Variants in SLC8A1 observed in about 807,000 individuals in gnomAD.
SLC8A1 encodes the protein solute carrier family 8 member A1.
SLC8A1 carries 18 observed loss-of-function variants against 68.3 expected under a neutral mutation model. The observed-to-expected ratio is 0.26, with a 90% CI of 0.18 to 0.39. The LOEUF is 0.39. SLC8A1 is among the 10% of genes least tolerant of loss of function. The pLI, the probability that SLC8A1 is intolerant of heterozygous loss-of-function variation, is 1.00. For synonymous variants in SLC8A1, 475 were observed against 415.5 expected, an observed-to-expected ratio of 1.14 and a Z score of -1.74; for missense variants, 985 against 1,156.7, an observed-to-expected ratio of 0.85 and a Z score of 2.15.
At chr2:40,368,624 A>T (rs1039096911) in intron 2 of SLC8A1, among the ~76,000 whole-genome samples, 11 of 152,086 alleles carry the variant, frequency 7.2e-5, no homozygotes, top group Admixed American at 6.6e-4. Flanking sequence ...CAAGTGGTAC[A>T]AGTGTAGGTT....
intron 2 of SLC8A1, among the ~76,000 whole-genome samples, chr2:40,381,355 T>A (rs1273339775): frequency 6.6e-6 from 1 of 152,044 alleles, no homozygotes; most frequent in Non-Finnish European, 1.5e-5. Context: ...CTTATATACT[T>A]CTCTTAAAGT....
intron 2 of SLC8A1, among the ~76,000 whole-genome samples, chr2:40,280,022 T>A (rs2067283887): frequency 6.6e-6 from 1 of 152,190 alleles, no homozygotes; most frequent in African/African-American, 2.4e-5. Flanking sequence ...ACAGCATTTG[T>A]AAATTGCAAG....
At chr2:40,451,024 G>C (rs1344636703) in intron 1 of SLC8A1, among the ~76,000 whole-genome samples, 2 of 152,176 alleles carry the variant, frequency 1.3e-5, no homozygotes, top group African/African-American at 4.8e-5. Context: ...AAAGAATCAA[G>C]GATGCACACG....
intron 2 of SLC8A1, among the ~76,000 whole-genome samples, chr2:40,246,207 T>G (rs380590): frequency 0.81 from 123,091 of 152,166 alleles, 50,617 homozygotes; most frequent in Middle Eastern, 0.88. Flanking sequence ...TTGGATATGG[T>G]TGGTTACACA....
Position 40,278,286 on chromosome 2 carries a change from T to C in SLC8A1, c.1809-100431A>G, listed in dbSNP as rs142344775. Among the ~76,000 whole-genome samples, 1,071 of 152,022 alleles carry C rather than the reference T, an allele frequency of 7.0e-3. 15 individuals are homozygous for C. Among genetic ancestry groups the C allele is most frequent in the African/African-American group, 0.024 (1,006 of 41,470 alleles). ...GAGATAGAGACCATCCTGGCCAACA[T>C]GGTGGAACCCCATCTCTACTAAAAA... On this transcript the variant is annotated intron_variant, in intron 2 of 7. Coordinates refer to ENST00000406785, the Ensembl canonical transcript of SLC8A1.
intron 6 of SLC8A1, among the ~76,000 whole-genome samples, chr2:40,155,837 G>A (rs968079824): frequency 2.6e-5 from 4 of 152,128 alleles, no homozygotes; most frequent in African/African-American, 9.7e-5. Flanking sequence ...CTGGAACTGG[G>A]TCACTTTAAT....
At chr2:40,308,331 A>G (rs1291702785) in intron 2 of SLC8A1, among the ~76,000 whole-genome samples, 2 of 152,224 alleles carry the variant, frequency 1.3e-5, no homozygotes, top group African/African-American at 4.8e-5. Flanking sequence ...TTACTGGGTT[A>G]TCCTGGGCAA....
chr2:40,321,541 T>C (rs1208439256), intron 2 of SLC8A1, among the ~76,000 whole-genome samples: 1 of 152,094 alleles, frequency 6.6e-6, no homozygotes, highest in Non-Finnish European at 1.5e-5. Flanking sequence ...GAAAAGAGGT[T>C]TAATTGACTC....
chr2:40,365,972 T>G, intron 2 of SLC8A1, among the ~76,000 whole-genome samples: 1 of 148,694 alleles, frequency 6.7e-6, no homozygotes, highest in Non-Finnish European at 1.5e-5. Flanking sequence ...CTCTAACCTG[T>G]GTGACAAAAT....
exon 2 of SLC8A1, chr2:40,428,891 C>A (rs780624491): frequency 1.2e-6 from 2 of 1,613,692 alleles, no homozygotes; most frequent in African/African-American, 2.7e-5. Flanking sequence ...TTAAACACCA[C>A]AGTTCCTTCA....
At chr2:40,339,062 A>T (rs1666904071) in intron 2 of SLC8A1, among the ~76,000 whole-genome samples, 1 of 152,214 alleles carries the variant, frequency 6.6e-6, no homozygotes, top group South Asian at 2.1e-4. Context: ...AACTCAGATC[A>T]CATAAACCTA....
intron 2 of SLC8A1, among the ~76,000 whole-genome samples, chr2:40,362,773 G>A (rs1674978177): frequency 6.6e-6 from 1 of 152,040 alleles, no homozygotes; most frequent in South Asian, 2.1e-4. Flanking sequence ...CAAACATTTA[G>A]TACAAATTAA....
At chr2:40,225,826 G>A (rs2058905457) in intron 2 of SLC8A1, among the ~76,000 whole-genome samples, 1 of 152,154 alleles carries the variant, frequency 6.6e-6, no homozygotes, top group African/African-American at 2.4e-5. Flanking sequence ...TGGATAAACA[G>A]ATTCCTCTGG....
At chr2:40,345,719 T>A (rs1669035478) in intron 2 of SLC8A1, among the ~76,000 whole-genome samples, 1 of 152,052 alleles carries the variant, frequency 6.6e-6, no homozygotes, top group Admixed American at 6.6e-5. Context: ...CTGGAAACCA[T>A]CATTCTCAGC....
chr2:40,339,030 C>T (rs1479419402), intron 2 of SLC8A1, among the ~76,000 whole-genome samples: 5 of 152,154 alleles, frequency 3.3e-5, no homozygotes, highest in Non-Finnish European at 5.9e-5. Flanking sequence ...GCTATTGTGT[C>T]AATAAAAATA....
intron 2 of SLC8A1, among the ~76,000 whole-genome samples, chr2:40,338,497 G>T (rs1294617126): frequency 6.6e-6 from 1 of 152,106 alleles, no homozygotes; most frequent in Non-Finnish European, 1.5e-5. Flanking sequence ...TGCAGCACAA[G>T]TCAACCCTCC....
intron 2 of SLC8A1, among the ~76,000 whole-genome samples, chr2:40,183,849 G>A (rs772834779): frequency 2.6e-5 from 4 of 152,104 alleles, no homozygotes; most frequent in Non-Finnish European, 5.9e-5. Flanking sequence ...TGGGAGCCCA[G>A]CATGAATATA....
chr2:40,150,183 G>A lies in SLC8A1; in HGVS notation c.2162-10507C>T, dbSNP rs1310518330. Among the ~76,000 whole-genome samples the A allele has an allele frequency of 1.3e-5, 2 of 152,092 alleles. 1 individual carries two copies. The highest frequency in any genetic ancestry group is 2.9e-5 in the Non-Finnish European group (2 of 68,030). ...ACCCAGCCAGACCTGACCAGGCAAA[G>A]GCAAGGCAAGGGAGAAGCATGCGGT... On this transcript the variant is annotated intron_variant, in intron 6 of 7. Transcript: ENST00000406785.
intron 2 of SLC8A1, among the ~76,000 whole-genome samples, chr2:40,271,926 G>C (rs924419217): frequency 6.6e-6 from 1 of 151,988 alleles, no homozygotes; most frequent in Non-Finnish European, 1.5e-5. Flanking sequence ...GAATGCAGTG[G>C]AACCGTCATA....
Sources: gnomAD v4.1 joint callset for allele counts (sites outside exome capture counted in the v4.1 genomes callset) on GRCh38, gnomAD v4.1.1 for gene constraint, MANE v1.5 for transcripts, NCBI Gene and HGNC (gene_info 2026-07-23, HGNC 2026-07-21) for gene names.